Variants in ARHGAP22 observed in about 807,000 individuals in gnomAD.
ARHGAP22 encodes the protein Rho GTPase activating protein 22.
Under a neutral mutation model 59.1 loss-of-function variants are expected in ARHGAP22, and 48 were observed. That is an observed-to-expected ratio of 0.81 (90% CI 0.64 to 1.03). The LOEUF (loss-of-function observed/expected upper bound fraction) is 1.03. Among genes scored for constraint, ARHGAP22 ranks in the 50% least tolerant of loss-of-function variants. The pLI, the probability that ARHGAP22 is intolerant of heterozygous loss-of-function variation, is 0.00. For missense variants in ARHGAP22, 1,015 were observed against 958.7 expected (o/e 1.06, Z -0.78); for synonymous variants, 445 against 416.4 (o/e 1.07, Z -0.84).
intron 6 of ARHGAP22, 76 bp downstream of exon 6, chr10:48,454,926 A>G: frequency 1.0e-5 from 15 of 1,448,236 alleles, no homozygotes; most frequent in Non-Finnish European, 1.4e-5. Flanking sequence ...ATGAAAAGTC[A>G]GAGTCTGTGT....
chr10:48,525,294 C>T (rs545710141), intron 3 of ARHGAP22, among the ~76,000 whole-genome samples: 23 of 152,278 alleles, frequency 1.5e-4, no homozygotes, highest in African/African-American at 3.4e-4. Flanking sequence ...AATCATCGGC[C>T]GGGCATGGTG....
At chr10:48,511,734 T>C (rs1589849411) in intron 3 of ARHGAP22, 1 of 152,342 alleles carries the variant, frequency 6.6e-6, no homozygotes, top group African/African-American at 2.4e-5. Flanking sequence ...AATGACATCA[T>C]TGACTGTTCA....
At chr10:48,635,607 C>T (rs762648815) in intron 1 of ARHGAP22, among the ~76,000 whole-genome samples, 1 of 152,272 alleles carries the variant, frequency 6.6e-6, no homozygotes, top group African/African-American at 2.4e-5. Context: ...CCCCCACCCT[C>T]TCCCCTTCCA....
chr10:48,621,587 A>G (rs1357435748), intron 1 of ARHGAP22, among the ~76,000 whole-genome samples: 1 of 152,212 alleles, frequency 6.6e-6, no homozygotes, highest in Admixed American at 6.5e-5. Flanking sequence ...ATCCCTAGAT[A>G]TTACATTTGA....
upstream of ARHGAP22, among the ~76,000 whole-genome samples, chr10:48,607,733 C>T (rs572090318): frequency 6.6e-6 from 1 of 152,242 alleles, no homozygotes; most frequent in Admixed American, 6.5e-5. Context: ...CCTCCTTCTC[C>T]ACTGCCCTGT....
rs1354798789 is a variant in ARHGAP22, at chr10:48,450,522, T to A, written c.1607A>T (p.Asp536Val). ...GTGCAGGGAACTGCGGGCAGACGAG[T>A]CGCTGGCGCGGCAGGCCGTGCAGCT... is the stretch of plus-strand genomic sequence containing the variant. The part of the protein sequence containing the change: ...LSSCTACRAS[D>V]SSARSSLHTD... The change falls in exon 9 of 10, where the codon GAC becomes GTC. Residue 536 changes from aspartate to valine, a missense_variant. By Grantham distance (152) the Asp-to-Val change is radical. Transcript: ENST00000249601. 3 of 1,522,096 alleles carry A rather than the reference T, an allele frequency of 2.0e-6. No individual in the cohort carries two copies. In the East Asian group the frequency reaches 7.3e-5, roughly 37 times the overall value. The allele number at this position is 1,522,096 out of a possible 1,614,324, so 94.3% of individuals were successfully genotyped here.
intron 4 of ARHGAP22, among the ~76,000 whole-genome samples, chr10:48,474,634 A>G (rs566076184): frequency 6.6e-6 from 1 of 152,032 alleles, no homozygotes; most frequent in Non-Finnish European, 1.5e-5. Context: ...ATAGAAGTTC[A>G]CTTCTATTCC....
chr10:48,577,627 C>T (rs532062632), intron 2 of ARHGAP22, among the ~76,000 whole-genome samples: 1 of 152,134 alleles, frequency 6.6e-6, no homozygotes, highest in East Asian at 1.9e-4. Flanking sequence ...TTCACCCAAC[C>T]TTCCTGTTCT....
intron 2 of ARHGAP22, among the ~76,000 whole-genome samples, chr10:48,562,293 A>ATT (rs34647120): frequency 0.85 from 128,327 of 151,812 alleles, 54,329 homozygotes; most frequent in East Asian, 0.92. Context: ...GCTCCTACAT[A>ATT]TACCCAAGAG....
chr10:48,620,687 C>T (rs966375198), intron 1 of ARHGAP22, among the ~76,000 whole-genome samples: 13 of 152,142 alleles, frequency 8.5e-5, no homozygotes, highest in Non-Finnish European at 1.3e-4. Flanking sequence ...TGAACTGGCC[C>T]ATAGGCTGTG....
intron 3 of ARHGAP22, among the ~76,000 whole-genome samples, chr10:48,491,015 A>C (rs2050338364): frequency 6.6e-6 from 1 of 151,124 alleles, no homozygotes; most frequent in Non-Finnish European, 1.5e-5. Context: ...GGCCACCACC[A>C]CTCCTCATCT....
At chr10:48,443,826 G>A (rs929150116), downstream of ARHGAP22, 6 of 152,150 alleles carry the variant, frequency 3.9e-5, no homozygotes, top group Admixed American at 1.3e-4. Context: ...AGCCAATTAA[G>A]ACAAGGAATC....
At chr10:48,642,101 T>C (rs919653946) in intron 1 of ARHGAP22, among the ~76,000 whole-genome samples, 3 of 152,052 alleles carry the variant, frequency 2.0e-5, no homozygotes, top group African/African-American at 7.2e-5. Context: ...CACAAACAAA[T>C]GGAAGAACAT....
Position 48,512,985 on chromosome 10 carries a change from T to A in ARHGAP22, c.323-33221A>T, listed in dbSNP as rs59950414. Among the ~76,000 whole-genome samples the A allele has an allele frequency of 1.0e-3, 155 of 152,342 alleles. 1 individual carries two copies. Among genetic ancestry groups the A allele is most frequent in the African/African-American group, 3.5e-3 (146 of 41,574 alleles). Reference sequence around the variant, plus strand: ...TAGAGCACTGTAAAAATTTGATCTGTTTTGCAACTTCTTAAAAAAGCCCCT... The same window carrying A: ...TAGAGCACTGTAAAAATTTGATCTGATTTGCAACTTCTTAAAAAAGCCCCT... On this transcript the variant is annotated intron_variant, in intron 3 of 9. Coordinates refer to ENST00000249601, the MANE Select transcript of ARHGAP22 (RefSeq NM_021226.4).
intron 4 of ARHGAP22, among the ~76,000 whole-genome samples, chr10:48,476,328 G>T (rs2048735819): frequency 6.6e-6 from 1 of 152,216 alleles, no homozygotes; most frequent in Non-Finnish European, 1.5e-5. Context: ...ACTTCTCAAG[G>T]GGATGGCTGG....
At chr10:48,466,478 C>T (rs2133893141) in intron 4 of ARHGAP22, 1 of 151,584 alleles carries the variant, frequency 6.6e-6, no homozygotes, top group African/African-American at 2.4e-5. Context: ...GCGGCGCTCT[C>T]GCCCGCTGCG....
chr10:48,437,188 A>G, the ARHGAP22 span: 1 of 152,254 alleles, frequency 6.6e-6, no homozygotes, highest in East Asian at 1.9e-4. Flanking sequence ...CTTAGTGTAA[A>G]CTAAAATACT....
Position 48,594,318 on chromosome 10 carries a change from C to T in ARHGAP22, c.34+10445G>A, listed in dbSNP as rs568753520. The stretch of plus-strand genomic sequence containing the variant: ...GAACTGTGAGTGAGCACACTGGTCC[C>T]TCTCTGCAGGTGAGCTGCTTGGGTG... On this transcript the variant is annotated intron_variant, in intron 1 of 9. Coordinates refer to ENST00000249601, the MANE Select transcript of ARHGAP22 (RefSeq NM_021226.4). Among the ~76,000 whole-genome samples the T allele has an allele frequency of 1.2e-3, 178 of 152,356 alleles. 2 individuals are homozygous for T. The highest frequency in any genetic ancestry group is 3.9e-3 in the African/African-American group (163 of 41,584).
At chr10:48,547,709 C>G (rs1050934330) in intron 3 of ARHGAP22, among the ~76,000 whole-genome samples, 1 of 152,192 alleles carries the variant, frequency 6.6e-6, no homozygotes, top group Non-Finnish European at 1.5e-5. Flanking sequence ...TCGGGCTAAT[C>G]CTCAGCACTG....
Sources: gnomAD v4.1 joint callset for allele counts (sites outside exome capture counted in the v4.1 genomes callset) on GRCh38, gnomAD v4.1.1 for gene constraint, MANE v1.5 for transcripts, NCBI Gene and HGNC (gene_info 2026-07-23, HGNC 2026-07-21) for gene names.